Variants in MICAL3 observed in about 807,000 individuals in gnomAD.
MICAL3 encodes the protein [F-actin]-monooxygenase MICAL3.
Under a neutral mutation model 207.4 loss-of-function variants are expected in MICAL3, and 62 were observed. That is an observed-to-expected ratio of 0.30 (90% CI 0.24 to 0.37). The LOEUF (loss-of-function observed/expected upper bound fraction) is 0.37. MICAL3 is among the 10% of genes least tolerant of loss of function. The pLI is 1.00. For synonymous variants in MICAL3, 1,077 were observed against 1,069.3 expected, an observed-to-expected ratio of 1.01 and a Z score of -0.14; for missense variants, 2,368 against 2,635.6, an observed-to-expected ratio of 0.90 and a Z score of 2.22.
At position 17,952,257 on chromosome 22, in the gene MICAL3, A is replaced by T. The variant is rs552195188; in HGVS notation, c.-74-45371T>A. On this transcript the variant is annotated intron_variant, in intron 1 of 31. Coordinates refer to ENST00000441493, the MANE Select transcript of MICAL3 (RefSeq NM_015241.3). Reference sequence around the variant, plus strand: ...AGAACAAGTAAGCACTGTTCTAAGTAGGGGCAGGTGCCCCCAACCTCCCCA... The same window carrying T: ...AGAACAAGTAAGCACTGTTCTAAGTTGGGGCAGGTGCCCCCAACCTCCCCA... Among the ~76,000 whole-genome samples the T allele has an allele frequency of 3.9e-5, 6 of 152,346 alleles. No homozygotes were observed. The South Asian group carries it at 1.2e-3, about 32-fold the overall frequency.
chr22:18,013,589 G>A (rs191859748), intron 1 of MICAL3, among the ~76,000 whole-genome samples: 90 of 152,324 alleles, frequency 5.9e-4, no homozygotes, highest in Non-Finnish European at 9.6e-4. Flanking sequence ...AATGGGTGTA[G>A]CAATGCCGAA....
At position 17,817,709 on chromosome 22, in the gene MICAL3, G is replaced by C. The variant is rs761669068; in HGVS notation, c.4952C>G (p.Thr1651Arg). 2.5e-6 allele frequency: 4 copies of C among 1,598,626 alleles called. No individual in the cohort carries two copies. In the South Asian group the frequency reaches 4.5e-5, roughly 18 times the overall value. Residue 1651 changes from threonine (T) to arginine (R), a missense_variant, in exon 26 of 32, where the codon ACA becomes AGA. Transcript: ENST00000441493. ...QGKERRPDSPTRPTLRGSEEP... is the reference protein window; with the variant it reads ...QGKERRPDSPRRPTLRGSEEP... Reference sequence around the variant, plus strand: ...CTCGGAGCCCCTGAGAGTGGGGCGTGTGGGGGAGTCAGGCCGGCGCTCCTT... The same window carrying C: ...CTCGGAGCCCCTGAGAGTGGGGCGTCTGGGGGAGTCAGGCCGGCGCTCCTT...
chr22:17,895,136 T>G, intron 10 of MICAL3, 148 bp downstream of exon 10: 1 of 764,708 alleles, frequency 1.3e-6, no homozygotes, highest in Non-Finnish European at 2.2e-6. Context: ...GCTATCTACT[T>G]CTACCAATTC....
chr22:17,842,043 C>T (rs774855625), intron 19 of MICAL3, 26 bp from the exon 20 acceptor site: 1 of 1,583,552 alleles, frequency 6.3e-7, no homozygotes, highest in Admixed American at 1.7e-5. Context: ...AGAAGCACTG[C>T]ACTGAGGTCC....
intron 1 of MICAL3, among the ~76,000 whole-genome samples, chr22:17,980,260 G>A (rs1206945066): frequency 6.6e-6 from 1 of 152,210 alleles, no homozygotes; most frequent in Non-Finnish European, 1.5e-5. Flanking sequence ...CTCAGGGCAG[G>A]GGAATGGAGA....
In MICAL3 at chr22:17,887,427, C is replaced by A. The variant is rs758039516; in HGVS notation, c.1900G>T (p.Asp634Tyr). 1.9e-6 allele frequency: 3 copies of A among 1,612,250 alleles called. No homozygotes were observed. The highest frequency in any genetic ancestry group is 1.7e-4 in the Middle Eastern group (1 of 5,924). Residue 634 changes from aspartate (D) to tyrosine (Y), a missense_variant, in exon 14 of 32, where the codon GAC (aspartate) becomes TAC (tyrosine). Physicochemically the swap from Asp to Tyr is radical, Grantham distance 160. Around this residue, in one of 4 missense-constraint regions of MICAL3, gnomAD observed 1,770 missense variants for 1,863.2 expected, o/e 0.95. Coordinates refer to ENST00000441493, the MANE Select transcript of MICAL3 (RefSeq NM_015241.3). ...KDSLPSSDTL[D>Y]LNAEEKAVLI... The stretch of plus-strand genomic sequence containing the variant: ...ACTGCTTTCTCCTCGGCATTTAGGT[C>A]CAAGGTGTCTGGGAATAGAAACCAG...
intron 1 of MICAL3, among the ~76,000 whole-genome samples, chr22:17,968,130 C>T (rs940350388): frequency 2.6e-5 from 4 of 151,966 alleles, no homozygotes; most frequent in East Asian, 3.9e-4. Context: ...GCAAGTTTCA[C>T]GGAAGAAAGG....
chr22:17,876,784 G>GGGAGGTTAGGGAAGTTATGGAGGTTAA, intron 16 of MICAL3: 1 of 55,630 alleles, frequency 1.8e-5, no homozygotes, highest in Non-Finnish European at 4.0e-5. Context: ...ATGGAGGTTA[G>GGGAGGTTAGGGAAGTTATGGAGGTTAA]GGAGGTTAGG....
chr22:17,943,701 A>G (rs968608497), intron 1 of MICAL3, among the ~76,000 whole-genome samples: 1 of 152,222 alleles, frequency 6.6e-6, no homozygotes, highest in Non-Finnish European at 1.5e-5. Flanking sequence ...CAAAAGAGCA[A>G]TAATAGCTTT....
At position 17,848,423 on chromosome 22, in the gene MICAL3, G is replaced by A. The variant is rs566489362; in HGVS notation, c.2606-6406C>T. ...TTCCGAAACATTCGGAACCATGTCT[G>A]GCCCAGACATTTTCCAGTTTAGGGC... On this transcript the variant is annotated intron_variant, in intron 19 of 31. Coordinates refer to ENST00000441493, the MANE Select transcript of MICAL3 (RefSeq NM_015241.3). 1.8e-3 allele frequency among the ~76,000 whole-genome samples: 275 copies of A among 152,302 alleles called. 1 individual carries two copies. Among genetic ancestry groups the A allele is most frequent in the African/African-American group, 6.3e-3 (261 of 41,572 alleles).
chr22:17,797,442 C>T (rs985869612), intron 29 of MICAL3, among the ~76,000 whole-genome samples: 10 of 152,064 alleles, frequency 6.6e-5, no homozygotes, highest in African/African-American at 2.4e-4. Flanking sequence ...TGCAGAGAGC[C>T]GTGACTGCAC....
At chr22:18,016,151 T>C (rs926751071) in intron 1 of MICAL3, among the ~76,000 whole-genome samples, 5 of 152,232 alleles carry the variant, frequency 3.3e-5, no homozygotes, top group Non-Finnish European at 7.3e-5. Flanking sequence ...ACAATAAATA[T>C]GGAATTTTAC....
chr22:17,899,635 A>G, intron 6 of MICAL3, 87 bp from the exon 7 acceptor site: 1 of 820,186 alleles, frequency 1.2e-6, no homozygotes, highest in Non-Finnish European at 2.1e-6. Flanking sequence ...ACAGGCCTAC[A>G]GAGACAAGGG....
intron 16 of MICAL3, among the ~76,000 whole-genome samples, chr22:17,883,374 T>C (rs1275733205): frequency 6.6e-6 from 1 of 152,182 alleles, no homozygotes; most frequent in Non-Finnish European, 1.5e-5. Context: ...TGCCTGAATG[T>C]AAGTAATTTA....
rs148311148 is a variant in MICAL3 at position 18,022,680 on chromosome 22, C to T, written c.-75+1601G>A. On this transcript the variant is annotated intron_variant, in intron 1 of 31. Coordinates refer to ENST00000441493, the MANE Select transcript of MICAL3 (RefSeq NM_015241.3). Reference sequence around the variant, plus strand: ...CTGGCCCCAAGTGATCTGCCTACCTCGGGCTCCCAAAGTGCTGGGATTACA... The same window carrying T: ...CTGGCCCCAAGTGATCTGCCTACCTTGGGCTCCCAAAGTGCTGGGATTACA... Among the ~76,000 whole-genome samples, 766 of 152,302 alleles carry T rather than the reference C, an allele frequency of 5.0e-3. 11 individuals carry two copies. Among genetic ancestry groups the T allele is most frequent in the African/African-American group, 0.018 (735 of 41,560 alleles).
At position 17,904,761 on chromosome 22, in the gene MICAL3, T is replaced by A. The variant is rs551734198; in HGVS notation, c.343A>T (p.Ile115Phe). The change falls in exon 3 of 32, where the codon ATT becomes TTT. Residue 115 changes from isoleucine (I) to phenylalanine (F), a missense_variant. Around this residue, in one of 4 missense-constraint regions of MICAL3, gnomAD observed 400 missense variants for 547.0 expected, o/e 0.73. Transcript: ENST00000441493. Reference protein sequence around the residue: ...LSLLGAKVVVIEKRDAFSRNN... With the variant: ...LSLLGAKVVVFEKRDAFSRNN... The stretch of plus-strand genomic sequence containing the variant: ...CGGGAGAAGGCATCTCGTTTCTCAA[T>A]AACAACCACCTTGGCCCCCAGTAAG... 6.2e-7 allele frequency: 1 copy of A among 1,613,898 alleles called. No individual in the cohort carries two copies. Among genetic ancestry groups the A allele is most frequent in the Admixed American group, 1.7e-5 (1 of 60,014 alleles).
chr22:17,835,547 G>A (rs780132503), intron 20 of MICAL3, among the ~76,000 whole-genome samples: 1 of 152,246 alleles, frequency 6.6e-6, no homozygotes, highest in Non-Finnish European at 1.5e-5. Flanking sequence ...GAGGAAAGGT[G>A]CAGAGGAGGG....
chr22:17,959,001 G>A (rs8143037), intron 1 of MICAL3, among the ~76,000 whole-genome samples: 1 of 144,762 alleles, frequency 6.9e-6, no homozygotes, highest in Non-Finnish European at 1.5e-5. Context: ...CCACTGCGCC[G>A]GGCCTGGGGT....
chr22:17,948,912 C>CAAAAAAAAAAAAAA (rs112234424), intron 1 of MICAL3, among the ~76,000 whole-genome samples: 13 of 106,612 alleles, frequency 1.2e-4, no homozygotes, highest in Non-Finnish European at 1.5e-4. Flanking sequence ...GATGCTGCCT[C>CAAAAAAAAAAAAAA]AAAAAAAAAA....
Sources: gnomAD v4.1 joint callset for allele counts (sites outside exome capture counted in the v4.1 genomes callset) on GRCh38, gnomAD v4.1.1 for gene constraint, gnomAD v4.1.1 regional missense constraint, MANE v1.5 for transcripts, NCBI Gene and HGNC (gene_info 2026-07-23, HGNC 2026-07-21) for gene names.